Variants in CFAP58 observed in about 807,000 individuals in gnomAD.
The protein encoded by CFAP58 is cilia- and flagella-associated protein 58.
In CFAP58, 88 loss-of-function variants were observed where a neutral mutation model predicts 119.5. That is an observed-to-expected ratio of 0.74 (90% CI 0.62 to 0.88). CFAP58 has a LOEUF of 0.88. Among genes scored for constraint, CFAP58 ranks in the 40% least tolerant of loss-of-function variants. The pLI, the probability that CFAP58 is intolerant of heterozygous loss-of-function variation, is 0.00. For synonymous variants in CFAP58, 365 were observed against 366.3 expected, an observed-to-expected ratio of 1.00 and a Z score of 0.04; for missense variants, 990 against 1,021.2, an observed-to-expected ratio of 0.97 and a Z score of 0.42.
At chr10:104,423,403 A>G (rs945499398) in intron 15 of CFAP58, among the ~76,000 whole-genome samples, 1 of 152,200 alleles carries the variant, frequency 6.6e-6, no homozygotes, top group Non-Finnish European at 1.5e-5. Flanking sequence ...TGTAAGAGGT[A>G]AGGGAGTGTT....
At position 104,362,265 on chromosome 10, in the gene CFAP58, TTGTC is replaced by T. The variant is rs1384752838; in HGVS notation, c.440+98_440+101del. 8 of 1,054,814 alleles carry T rather than the reference TTGTC, an allele frequency of 7.6e-6. No homozygotes were observed. In the African/African-American group the frequency reaches 1.3e-4, roughly 17 times the overall value. 65.3% of individuals were successfully genotyped at this position (1,054,814 alleles called of 1,614,324 possible). A position where few individuals can be genotyped will look rare whatever the true frequency, so the allele number is the denominator to read the frequency against. ...GGGCTTGCCAGTGTCTTCTTGAACA[TTGTC>T]TGTGATACAAGACTCTTCTTTATTG... On this transcript the variant is annotated intron_variant, in intron 3 of 17. Transcript: ENST00000369704.
At position 104,380,035 on chromosome 10, in the gene CFAP58, C is replaced by T. The variant is rs1205683311; in HGVS notation, c.1180C>T (p.Leu394Phe). The change falls in exon 9 of 18, where the codon CTT becomes TTT. Residue 394 changes from leucine (L) to phenylalanine (F), a missense_variant. Leu to Phe is a conservative substitution (Grantham distance 22). Coordinates refer to ENST00000369704, the MANE Select transcript of CFAP58 (RefSeq NM_001008723.2). ...TTTGTGCCCTTATTTTTAGAACATG[C>T]TTAAGGCGGTCAATGCGACCCAGAA... Reference protein sequence around the residue: ...RERDILNKNMLKAVNATQKQT... With the variant: ...RERDILNKNMFKAVNATQKQT... 6.2e-7 allele frequency: 1 copy of T among 1,613,506 alleles called. No homozygotes were observed. Among genetic ancestry groups the T allele is most frequent in the South Asian group, 1.1e-5 (1 of 91,000 alleles).
chr10:104,358,102 CATATATACACATATATATGTACTT>C lies in CFAP58; in HGVS notation c.10-208_10-185del, dbSNP rs1435821309. 6.2e-5 allele frequency among the ~76,000 whole-genome samples: 9 copies of C among 146,328 alleles called. 1 individual carries two copies. The highest frequency in any genetic ancestry group is 1.3e-4 in the African/African-American group (5 of 38,660). On this transcript the variant is annotated intron_variant, in intron 1 of 17. Coordinates refer to ENST00000369704, the MANE Select transcript of CFAP58 (RefSeq NM_001008723.2). ...ATATATATACACACATATATATGTA[CATATATACACATATATATGTACTT>C]ATATATACACATATATATGTACTTA...
chr10:104,430,081 G>A (rs147605942), intron 15 of CFAP58, among the ~76,000 whole-genome samples: 57 of 152,282 alleles, frequency 3.7e-4, no homozygotes, highest in African/African-American at 1.2e-3. Flanking sequence ...AGTCAAGAAT[G>A]TGAGGGTGGC....
At chr10:104,452,960 A>G (rs2013218771) in intron 17 of CFAP58, among the ~76,000 whole-genome samples, 1 of 152,222 alleles carries the variant, frequency 6.6e-6, no homozygotes, top group Admixed American at 6.5e-5. Context: ...AAAAATATGA[A>G]GAGGCAAGAA....
chr10:104,382,280 C>A, intron 9 of CFAP58: 1 of 699,290 alleles, frequency 1.4e-6, no homozygotes, highest in Non-Finnish European at 2.7e-6. Flanking sequence ...CTGTGCCGGA[C>A]ATCCTGGGCA....
chr10:104,358,988 G>T (rs1383284754), intron 2 of CFAP58, among the ~76,000 whole-genome samples: 1 of 152,104 alleles, frequency 6.6e-6, no homozygotes, highest in East Asian at 1.9e-4. Flanking sequence ...TCATATTTCT[G>T]CTTTTTCTCC....
At chr10:104,429,952 T>C (rs1379424140) in intron 15 of CFAP58, among the ~76,000 whole-genome samples, 1 of 151,674 alleles carries the variant, frequency 6.6e-6, no homozygotes, top group Non-Finnish European at 1.5e-5. Flanking sequence ...CTCCTCCCAC[T>C]CGGGGAGGGG....
rs1411707 is a variant in CFAP58, at chr10:104,380,209, C to T, written c.1354C>T (p.Leu452Phe). 1.2e-6 allele frequency: 2 copies of T among 1,613,622 alleles called. No individual in the cohort carries two copies. Among genetic ancestry groups the T allele is most frequent in the Non-Finnish European group, 1.7e-6 (2 of 1,179,794 alleles). ...RDRYINQASD[L>F]TQKVLMNMED... ...CCGGTACATCAACCAAGCCAGTGAC[C>T]TTACGCAAAAGGTAAGCTGCTCAGT... The change falls in exon 9 of 18, where the codon CTT becomes TTT. Residue 452 changes from leucine to phenylalanine, a missense_variant. Leu to Phe is a conservative substitution (Grantham distance 22). Coordinates refer to ENST00000369704, the MANE Select transcript of CFAP58 (RefSeq NM_001008723.2).
intron 15 of CFAP58, among the ~76,000 whole-genome samples, chr10:104,410,516 T>G (rs1484122824): frequency 6.6e-6 from 1 of 152,220 alleles, no homozygotes; most frequent in Non-Finnish European, 1.5e-5. Flanking sequence ...TAACTTGAAA[T>G]GTTATTTCTA....
chr10:104,399,807 A>G (rs1223532009), intron 12 of CFAP58, among the ~76,000 whole-genome samples: 1 of 152,128 alleles, frequency 6.6e-6, no homozygotes, highest in East Asian at 1.9e-4. Context: ...TGCAATTAAT[A>G]ATTACATGAT....
At chr10:104,349,387 CAG>C (rs2014434321), upstream of CFAP58, among the ~76,000 whole-genome samples, 1 of 152,210 alleles carries the variant, frequency 6.6e-6, no homozygotes, top group African/African-American at 2.4e-5. Flanking sequence ...CTTTGTTGTG[CAG>C]ATAGTCTCCT....
Position 104,427,169 on chromosome 10 carries a change from G to A in CFAP58, c.2256+20376G>A, listed in dbSNP as rs548998765. 4.6e-5 allele frequency among the ~76,000 whole-genome samples: 7 copies of A among 152,268 alleles called. No homozygotes were observed. In the East Asian group the frequency reaches 1.2e-3, roughly 25 times the overall value. ...ACTTTGAGGCCTTAAGTCCAAAGTC[G>A]GTGGTCTAATTGACAGTCATTAGGA... On this transcript the variant is annotated intron_variant, in intron 15 of 17. Transcript: ENST00000369704.
chr10:104,432,687 G>C (rs77075670), intron 15 of CFAP58, among the ~76,000 whole-genome samples: 3 of 152,150 alleles, frequency 2.0e-5, no homozygotes, highest in Non-Finnish European at 4.4e-5. Flanking sequence ...ATTTTTAGTA[G>C]AGATGGGGTT....
At chr10:104,348,137 A>G in the CFAP58 span, among the ~76,000 whole-genome samples, 1 of 152,156 alleles carries the variant, frequency 6.6e-6, no homozygotes, top group East Asian at 1.9e-4. Flanking sequence ...TCATGGCTTC[A>G]GAGAGGGACG....
chr10:104,342,755 G>A, the CFAP58 span, among the ~76,000 whole-genome samples: 1 of 146,502 alleles, frequency 6.8e-6, no homozygotes, highest in African/African-American at 2.5e-5. Context: ...TGAGGCACGA[G>A]AATCACTTGA....
At chr10:104,352,544 C>G (rs2014472792), upstream of CFAP58, among the ~76,000 whole-genome samples, 1 of 152,246 alleles carries the variant, frequency 6.6e-6, no homozygotes, top group Admixed American at 6.5e-5. Flanking sequence ...TTTCAGCCTC[C>G]ATTGCCCCAT....
At chr10:104,389,408 A>G (rs17116982) in intron 9 of CFAP58, among the ~76,000 whole-genome samples, 3,045 of 152,250 alleles carry the variant, frequency 0.02, 68 homozygotes, top group African/African-American at 0.053. Context: ...TCTCTGTGGC[A>G]TTATTCTGCC....
upstream of CFAP58, chr10:104,353,358 A>G (rs2014488893): frequency 6.5e-6 from 1 of 153,210 alleles, no homozygotes; most frequent in African/African-American, 2.4e-5. Context: ...GCTGTTTTAC[A>G]AGGGTTGAAC....
Sources: allele counts gnomAD v4.1 joint callset (sites outside exome capture counted in the v4.1 genomes callset), GRCh38; gene constraint gnomAD v4.1.1; transcripts MANE v1.5; gene names NCBI Gene and HGNC (gene_info 2026-07-23, HGNC 2026-07-21).